Variants in TBC1D4 observed in about 807,000 individuals in gnomAD.
TBC1D4 encodes TBC (Tre-2, BUB2, CDC16) domain-containing protein.
Under a neutral mutation model 142.5 loss-of-function variants are expected in TBC1D4, and 121 were observed. The observed-to-expected ratio is 0.85, with a 90% confidence interval of 0.73 to 0.99. The LOEUF is 0.99. Among genes scored for constraint, TBC1D4 ranks in the 50% least tolerant of loss-of-function variants. The pLI, the probability that TBC1D4 is intolerant of heterozygous loss-of-function variation, is 0.00. For missense variants in TBC1D4, 1,475 were observed against 1,606.6 expected (o/e 0.92, Z 1.40); for synonymous variants, 630 against 628.2 (o/e 1.00, Z -0.04).
At chr13:75,314,904 C>T (rs1467773281) in intron 12 of TBC1D4, among the ~76,000 whole-genome samples, 5 of 152,078 alleles carry the variant, frequency 3.3e-5, no homozygotes, top group Admixed American at 6.5e-5. Context: ...CTCTTGAACC[C>T]GGGAGGCAGA....
At chr13:75,317,219 C>A (rs1473102001) in intron 12 of TBC1D4, among the ~76,000 whole-genome samples, 2 of 152,162 alleles carry the variant, frequency 1.3e-5, no homozygotes, top group African/African-American at 4.8e-5. Flanking sequence ...TAGTTCTGAA[C>A]AAAGCTCTAT....
chr13:75,298,463 T>C (rs1876176883), intron 17 of TBC1D4, among the ~76,000 whole-genome samples: 1 of 152,160 alleles, frequency 6.6e-6, no homozygotes, highest in Non-Finnish European at 1.5e-5. Flanking sequence ...CAGAGCCTGC[T>C]AAGAAAAGCA....
Position 75,310,086 on chromosome 13 carries a change from G to A in TBC1D4, c.2449C>T (p.Leu817=). 1.9e-6 allele frequency: 3 copies of A among 1,614,058 alleles called. No homozygotes were observed. Among genetic ancestry groups the A allele is most frequent in the Admixed American group, 1.7e-5 (1 of 60,000 alleles). ...TCCTCCCCAGACAGGAATACAACCA[G>A]CGGTTCCTCCTCCATGGTTGGAGAG... The part of the protein sequence containing the change: ...PLSPTMEEEP[L]VVFLSGEDDP... The change falls in exon 14 of 21, where the codon CTG becomes TTG. Residue 817 remains leucine, a synonymous_variant. Transcript: ENST00000377636.
intron 1 of TBC1D4, among the ~76,000 whole-genome samples, chr13:75,392,370 C>T (rs974457446): frequency 1.1e-4 from 17 of 152,180 alleles, no homozygotes; most frequent in African/African-American, 4.1e-4. Context: ...TGATCATTTC[C>T]TATATTTCAT....
chr13:75,473,854 T>C (rs915900930), intron 1 of TBC1D4, among the ~76,000 whole-genome samples: 3 of 152,232 alleles, frequency 2.0e-5, no homozygotes, highest in Admixed American at 1.3e-4. Context: ...TAAAAGATAT[T>C]CATATACTTT....
chr13:75,336,334 T>C (rs560531615), intron 8 of TBC1D4, among the ~76,000 whole-genome samples: 2 of 151,906 alleles, frequency 1.3e-5, no homozygotes, highest in South Asian at 2.1e-4. Context: ...GAGACAGAGA[T>C]TGCAGTAAGC....
chr13:75,314,145 G>T (rs1226010734), intron 12 of TBC1D4, among the ~76,000 whole-genome samples: 1 of 152,184 alleles, frequency 6.6e-6, no homozygotes, highest in Non-Finnish European at 1.5e-5. Flanking sequence ...AATTATATTT[G>T]CTGCTGGAAG....
intron 1 of TBC1D4, among the ~76,000 whole-genome samples, chr13:75,408,488 A>G (rs1290302734): frequency 2.0e-5 from 3 of 152,222 alleles, no homozygotes; most frequent in African/African-American, 7.2e-5. Context: ...TGTATCATAT[A>G]ATGGTGAAGT....
chr13:75,349,586 C>T (rs1352707643), intron 4 of TBC1D4, among the ~76,000 whole-genome samples: 1 of 152,172 alleles, frequency 6.6e-6, no homozygotes, highest in Non-Finnish European at 1.5e-5. Context: ...GCTATGCCGT[C>T]ACAGAGAGTT....
intron 1 of TBC1D4, among the ~76,000 whole-genome samples, chr13:75,439,492 A>G (rs1886945432): frequency 1.3e-5 from 2 of 152,258 alleles, no homozygotes; most frequent in South Asian, 4.1e-4. Context: ...AGAGTATTTA[A>G]CAGAAATTGT....
chr13:75,393,432 CAAGTCTGAATGGATGGTG>C (rs1344512261), intron 1 of TBC1D4, among the ~76,000 whole-genome samples: 4 of 152,172 alleles, frequency 2.6e-5, no homozygotes, highest in African/African-American at 7.2e-5. Flanking sequence ...AAACATTTTA[CAAGTCTGAATGGATGGTG>C]AATATCCTTT....
At chr13:75,335,266 C>G (rs1264321137) in intron 8 of TBC1D4, among the ~76,000 whole-genome samples, 1 of 152,174 alleles carries the variant, frequency 6.6e-6, no homozygotes, top group East Asian at 1.9e-4. Context: ...TTCCACACCC[C>G]ATATGGACAG....
rs767906047 is a variant in TBC1D4, at chr13:75,324,213, G to A, written c.2198+24C>T. ...ATATCACTGCAGAAAATTTTGCTTT[G>A]CAAACAGAGGACACTGATCTCACCT... On this transcript the variant is annotated intron_variant, in intron 11 of 20. Transcript: ENST00000377636. 2.4e-5 allele frequency: 39 copies of A among 1,613,212 alleles called. No individual in the cohort carries two copies. The East Asian group carries it at 8.5e-4, about 35-fold the overall frequency.
intron 1 of TBC1D4, among the ~76,000 whole-genome samples, chr13:75,382,345 T>C (rs937188845): frequency 6.6e-6 from 1 of 152,232 alleles, no homozygotes; most frequent in African/African-American, 2.4e-5. Context: ...TTTCTCTCAC[T>C]ATCTCATTTC....
chr13:75,344,799 C>T (rs950911883), intron 5 of TBC1D4, among the ~76,000 whole-genome samples: 1 of 152,092 alleles, frequency 6.6e-6, no homozygotes, highest in African/African-American at 2.4e-5. Context: ...AAATAGAACT[C>T]AATGCAGCTA....
At chr13:75,439,298 G>C (rs74096287) in intron 1 of TBC1D4, among the ~76,000 whole-genome samples, 1 of 151,920 alleles carries the variant, frequency 6.6e-6, no homozygotes, top group Non-Finnish European at 1.5e-5. Context: ...TTCATTTAAG[G>C]CCAAGTGTTG....
chr13:75,339,868 G>A lies in TBC1D4; in HGVS notation c.1611+1257C>T, dbSNP rs373992055. Among the ~76,000 whole-genome samples, 20 of 152,132 alleles carry A rather than the reference G, an allele frequency of 1.3e-4. No homozygotes were observed. The East Asian group carries it at 2.5e-3, about 19-fold the overall frequency. ...ATCACAGGCGTGAGCCACCACACCC[G>A]GCCCAAAAAGTACAGTTCCTCAACT... is the stretch of plus-strand genomic sequence containing the variant. On this transcript the variant is annotated intron_variant, in intron 7 of 20. Transcript: ENST00000377636.
At chr13:75,347,573 G>A (rs1164094489) in intron 5 of TBC1D4, among the ~76,000 whole-genome samples, 1 of 151,990 alleles carries the variant, frequency 6.6e-6, no homozygotes, top group Non-Finnish European at 1.5e-5. Flanking sequence ...TCTTTTAATG[G>A]TTTTAATATT....
At chr13:75,460,391 T>C (rs914647161) in intron 1 of TBC1D4, among the ~76,000 whole-genome samples, 2 of 152,038 alleles carry the variant, frequency 1.3e-5, no homozygotes, top group African/African-American at 4.8e-5. Context: ...GCAAAGGAAG[T>C]GACTTGTGAA....
Sources: gnomAD v4.1 joint callset for allele counts (sites outside exome capture counted in the v4.1 genomes callset) on GRCh38, gnomAD v4.1.1 for gene constraint, MANE v1.5 for transcripts, NCBI Gene and HGNC (gene_info 2026-07-23, HGNC 2026-07-21) for gene names.